ZACN: variants seen among roughly 807,000 people sequenced by gnomAD.
The protein encoded by ZACN is ligand-gated cation channel ZACN.
ZACN carries 52 observed loss-of-function variants against 38.9 expected under a neutral mutation model. That is an observed-to-expected ratio of 1.34 (90% CI 1.07 to 1.68). The LOEUF (loss-of-function observed/expected upper bound fraction) is 1.68, where lower values mean the gene tolerates loss of function less well. Ranked by LOEUF, ZACN falls within the 40% of genes most tolerant of loss-of-function variation. The pLI, the probability that ZACN is intolerant of heterozygous loss-of-function variation, is 0.00. For synonymous variants in ZACN, 235 were observed against 227.4 expected, an observed-to-expected ratio of 1.03 and a Z score of -0.30; for missense variants, 559 against 525.6, an observed-to-expected ratio of 1.06 and a Z score of -0.62.
chr17:76,079,247 A>G lies in ZACN; in HGVS notation c.-18A>G, dbSNP rs1403192984. 3.1e-6 allele frequency: 5 copies of G among 1,603,820 alleles called. No homozygotes were observed. In the African/African-American group the frequency reaches 4.0e-5, roughly 13 times the overall value. On this transcript the variant is annotated 5_prime_UTR_variant, in exon 1 of 9. Coordinates refer to ENST00000334586, the MANE Select transcript of ZACN (RefSeq NM_180990.4). ...TAGCTTAGGCACCGCTGCTCCCTCC[A>G]GTCCCTCCGTGCAGCCGATGATGGC...
Position 76,079,730 on chromosome 17 carries a change from T to C in ZACN, c.251T>C (p.Met84Thr), listed in dbSNP as rs773825209. 6 of 1,613,732 alleles carry C rather than the reference T, an allele frequency of 3.7e-6. No homozygotes were observed. Among genetic ancestry groups the C allele is most frequent in the Non-Finnish European group, 5.1e-6 (6 of 1,179,766 alleles). The change falls in exon 3 of 9, where the codon ATG becomes ACG. Residue 84 changes from methionine (M) to threonine (T), a missense_variant. Transcript: ENST00000334586. ...ATCCTGCGATACACAATGTCCTCCA[T>C]GCTGCTGCTTAGGCTGGTGAGCTCC... ...VDILRYTMSSMLLLRLSWLDT... is the reference protein window; with the variant it reads ...VDILRYTMSSTLLLRLSWLDT...
At chr17:76,080,526 G>A (rs1183275409) in intron 5 of ZACN, 102 bp downstream of exon 5, 2 of 1,498,288 alleles carry the variant, frequency 1.3e-6, no homozygotes, top group Admixed American at 1.9e-5. Flanking sequence ...GGGGCAAGGG[G>A]AAGGGGCAAA....
At chr17:76,080,160 G>A in intron 4 of ZACN, 95 bp from the exon 5 acceptor site, 5 of 1,493,428 alleles carry the variant, frequency 3.3e-6, no homozygotes, top group Non-Finnish European at 4.5e-6. Flanking sequence ...CCAGAACTCT[G>A]AAAGCAGCTG....
chr17:76,079,524 C>T lies in ZACN; in HGVS notation c.183C>T (p.Leu61=), dbSNP rs544704081. The change falls in exon 2 of 9, where the codon CTC becomes CTT. Residue 61 remains leucine (L), a synonymous_variant. Coordinates refer to ENST00000334586, the MANE Select transcript of ZACN (RefSeq NM_180990.4). The part of the protein sequence containing the change: ...QIPNNGSAPL[L]VDVRVFVSNV... The stretch of plus-strand genomic sequence containing the variant: ...CGAACAATGGGAGTGCGCCCCTGCT[C>T]GTGGATGTGCGGGTGTTTGTCTCCA... 8.7e-6 allele frequency: 14 copies of T among 1,614,164 alleles called. No homozygotes were observed. Among genetic ancestry groups the T allele is most frequent in the East Asian group, 2.2e-5 (1 of 44,880 alleles).
chr17:76,081,630 G>T lies in ZACN; in HGVS notation c.755G>T (p.Gly252Val), dbSNP rs777359611. 6.2e-7 allele frequency: 1 copy of T among 1,614,128 alleles called. No individual in the cohort carries two copies. The highest frequency in any genetic ancestry group is 8.5e-7 in the Non-Finnish European group (1 of 1,180,044). ...CTGCTGTTGGCTGACGTGTGCGGGG[G>T]GTTGCTGCCCCTCCGGGCCATTGAG... The part of the protein sequence containing the change: ...EALLLADVCG[G>V]LLPLRAIERI... Residue 252 changes from glycine to valine, a missense_variant, in exon 7 of 9, where the codon GGG becomes GTG. Physicochemically the swap from Gly to Val is moderately radical, Grantham distance 109. Coordinates refer to ENST00000334586, the MANE Select transcript of ZACN (RefSeq NM_180990.4).
chr17:76,082,564 G>A lies in ZACN; in HGVS notation c.1150G>A (p.Val384Ile), dbSNP rs767449079. 39 of 1,613,646 alleles carry A rather than the reference G, an allele frequency of 2.4e-5. No homozygotes were observed. The South Asian group carries it at 3.8e-4, about 16-fold the overall frequency. The change falls in exon 9 of 9, where the codon GTC (valine) becomes ATC (isoleucine). Residue 384 changes from valine (V) to isoleucine (I), a missense_variant. By Grantham distance (29) the Val-to-Ile change is conservative. Coordinates refer to ENST00000334586, the MANE Select transcript of ZACN (RefSeq NM_180990.4). ...YVVGVLCTQF[V>I]FAGIWMWAAC... ...GGTTGGGGTGCTGTGCACCCAATTC[G>A]TCTTTGCAGGAATCTGGATGTGGGC... is the stretch of plus-strand genomic sequence containing the variant.
rs755002511 is a variant in ZACN at position 76,079,535 on chromosome 17, G to A, written c.194G>A (p.Arg65Gln). The A allele has an allele frequency of 5.0e-6, 8 of 1,614,088 alleles. No individual in the cohort carries two copies. The highest frequency in any genetic ancestry group is 2.7e-5 in the African/African-American group (2 of 74,916). The change falls in exon 2 of 9, where the codon CGG (arginine) becomes CAG (glutamine). Residue 65 changes from arginine (R) to glutamine (Q), a missense_variant. Physicochemically the swap from Arg to Gln is conservative, Grantham distance 43. Transcript: ENST00000334586. The part of the protein sequence containing the change: ...NGSAPLLVDV[R>Q]VFVSNVFNVD... ...AGTGCGCCCCTGCTCGTGGATGTGCGGGTGTTTGTCTCCAACGTGTTTAAT... is the reference window on the plus strand; with the variant it reads ...AGTGCGCCCCTGCTCGTGGATGTGCAGGTGTTTGTCTCCAACGTGTTTAAT...
At chr17:76,081,170 A>G (rs1285247656) in intron 5 of ZACN, 108 bp from the exon 6 acceptor site, 2 of 1,495,214 alleles carry the variant, frequency 1.3e-6, no homozygotes, top group East Asian at 4.6e-5. Context: ...TGTCCCTGCC[A>G]AAAGCCATCA....
Position 76,082,035 on chromosome 17 carries a change from C to T in ZACN, c.1034C>T (p.Pro345Leu). The change falls in exon 8 of 9, where the codon CCT (proline) becomes CTT (leucine). Residue 345 changes from proline (P) to leucine (L), a missense_variant. Physicochemically the swap from Pro to Leu is moderately conservative, Grantham distance 98. Transcript: ENST00000334586. Reference sequence around the variant, plus strand: ...CAGCGAGAGCACGGCAACCCAGGGCCTCATCCTGCTGAAGGTGGGCAGGGG... The same window carrying T: ...CAGCGAGAGCACGGCAACCCAGGGCTTCATCCTGCTGAAGGTGGGCAGGGG... ...GEQREHGNPG[P>L]HPAEEPSRGV... is the part of the protein sequence containing the mutation. 6.2e-7 allele frequency: 1 copy of T among 1,608,968 alleles called. No individual in the cohort carries two copies. Among genetic ancestry groups the T allele is most frequent in the Non-Finnish European group, 8.5e-7 (1 of 1,178,356 alleles).
chr17:76,080,464 G>C (rs1342468122), intron 5 of ZACN, 40 bp downstream of exon 5: 2 of 1,608,358 alleles, frequency 1.2e-6, no homozygotes, highest in East Asian at 4.5e-5. Flanking sequence ...AGGAGGGGAG[G>C]AGGAAGGTGG....
chr17:76,082,382 G>A (rs1052026027), intron 8 of ZACN, 81 bp from the exon 9 acceptor site: 2 of 1,398,464 alleles, frequency 1.4e-6, no homozygotes, highest in Non-Finnish European at 9.7e-7. Flanking sequence ...GATACAGGCT[G>A]ATGACCCCTG....
chr17:76,082,170 C>T (rs1023661908), intron 8 of ZACN, 121 bp downstream of exon 8: 2 of 1,243,436 alleles, frequency 1.6e-6, no homozygotes, highest in Non-Finnish European at 1.1e-6. Context: ...CTCTCCTGTC[C>T]CTGGTCTCCA....
Position 76,080,260 on chromosome 17 carries a change from G to C in ZACN, c.380G>C (p.Trp127Ser), listed in dbSNP as rs769368528. 1.9e-5 allele frequency: 31 copies of C among 1,612,706 alleles called. No individual in the cohort carries two copies. Among genetic ancestry groups the C allele is most frequent in the Non-Finnish European group, 2.4e-5 (28 of 1,179,474 alleles). The change falls in exon 5 of 9, where the codon TGG (tryptophan) becomes TCG (serine). Residue 127 changes from tryptophan to serine, a missense_variant. By Grantham distance (177) the Trp-to-Ser change is radical (BLOSUM62 -3). Transcript: ENST00000334586. ...TPRLTILEAL[W>S]VDWRDQSPQA... ...TGTGGTGCCTTTCCCCACAGGCTCTGGGTGGACTGGAGGGACCAGAGCCCC... is the reference window on the plus strand; with the variant it reads ...TGTGGTGCCTTTCCCCACAGGCTCTCGGTGGACTGGAGGGACCAGAGCCCC...
Position 76,080,335 on chromosome 17 carries a change from C to A in ZACN, c.455C>A (p.Ala152Asp), listed in dbSNP as rs985134243. Reference sequence around the variant, plus strand: ...CACGTGAAGCTCAACCTGGCCCTCGCCACGGAGACCAACTGCAACTTTGAG... The same window carrying A: ...CACGTGAAGCTCAACCTGGCCCTCGACACGGAGACCAACTGCAACTTTGAG... Reference protein sequence around the residue: ...DGHVKLNLALATETNCNFELL... With the variant: ...DGHVKLNLALDTETNCNFELL... Residue 152 changes from alanine to aspartate, a missense_variant, in exon 5 of 9, where the codon GCC (alanine) becomes GAC (aspartate). By Grantham distance (126) the Ala-to-Asp change is moderately radical (BLOSUM62 -2). Transcript: ENST00000334586. 6.2e-7 allele frequency: 1 copy of A among 1,613,894 alleles called. No homozygotes were observed. Among genetic ancestry groups the A allele is most frequent in the East Asian group, 2.2e-5 (1 of 44,854 alleles).
Position 76,079,192 on chromosome 17 carries a change from C to T in ZACN, c.-73C>T. The T allele has an allele frequency of 7.0e-7, 1 of 1,433,496 alleles. No homozygotes were observed. 88.8% of individuals were successfully genotyped at this position (1,433,496 alleles called of 1,614,324 possible). On this transcript the variant is annotated 5_prime_UTR_variant, in exon 1 of 9. Coordinates refer to ENST00000334586, the MANE Select transcript of ZACN (RefSeq NM_180990.4). ...CAGCTGCCTCTGGCTAATTGCTCAG[C>T]TGCCAGAGAAGTGACTGGAATAGAG...
At chr17:76,080,838 C>A (rs1315094704) in intron 5 of ZACN, 1 of 473,628 alleles carries the variant, frequency 2.1e-6, no homozygotes, top group African/African-American at 2.0e-5. Context: ...GCCATGGCCT[C>A]ACTCCTGGAA....
chr17:76,080,188 C>T (rs914538877), intron 4 of ZACN, 67 bp from the exon 5 acceptor site: 15 of 1,528,396 alleles, frequency 9.8e-6, no homozygotes, highest in African/African-American at 9.6e-5. Flanking sequence ...GGTTGGGATG[C>T]CAGGGTCTCC....
intron 5 of ZACN, 136 bp downstream of exon 5, chr17:76,080,560 GGT>G: frequency 7.6e-7 from 1 of 1,307,820 alleles, no homozygotes; most frequent in Non-Finnish European, 1.1e-6. Flanking sequence ...CGAACTCCCA[GGT>G]CTGTGTTCAG....
chr17:76,079,200 G>T lies in ZACN; in HGVS notation c.-65G>T. The T allele has an allele frequency of 1.4e-6, 2 of 1,470,334 alleles. No individual in the cohort carries two copies. Among genetic ancestry groups the T allele is most frequent in the South Asian group, 1.3e-5 (1 of 75,846 alleles). 91.1% of individuals were successfully genotyped at this position (1,470,334 alleles called of 1,614,324 possible). On this transcript the variant is annotated 5_prime_UTR_variant, in exon 1 of 9. Coordinates refer to ENST00000334586, the MANE Select transcript of ZACN (RefSeq NM_180990.4). ...TCTGGCTAATTGCTCAGCTGCCAGAGAAGTGACTGGAATAGAGGTTGTAGC... is the reference window on the plus strand; with the variant it reads ...TCTGGCTAATTGCTCAGCTGCCAGATAAGTGACTGGAATAGAGGTTGTAGC...
Sources: allele counts gnomAD v4.1 joint callset, GRCh38; gene constraint gnomAD v4.1.1; transcripts MANE v1.5; gene names NCBI Gene and HGNC (gene_info 2026-07-23, HGNC 2026-07-21).